Variants in KIF16B observed in about 807,000 individuals in gnomAD.
KIF16B encodes kinesin-like protein KIF16B.
Under a neutral mutation model 156.3 loss-of-function variants are expected in KIF16B, and 98 were observed. The ratio of observed to expected loss-of-function variants is 0.63; its 90% CI spans 0.53 to 0.74. The LOEUF (loss-of-function observed/expected upper bound fraction) is 0.74. Ranked by LOEUF, KIF16B falls within the 30% of genes least tolerant of loss-of-function variation. The pLI is 0.00. For synonymous variants in KIF16B, 564 were observed against 583.7 expected, an observed-to-expected ratio of 0.97 and a Z score of 0.49; for missense variants, 1,421 against 1,606.5, an observed-to-expected ratio of 0.88 and a Z score of 1.97.
chr20:16,404,301 T>C (rs948151834), intron 17 of KIF16B, among the ~76,000 whole-genome samples: 2 of 152,150 alleles, frequency 1.3e-5, no homozygotes, highest in African/African-American at 2.4e-5. Context: ...AGGACATGAG[T>C]TAAGCTGACT....
At chr20:16,488,112 C>T (rs752764144) in intron 12 of KIF16B, among the ~76,000 whole-genome samples, 2 of 152,116 alleles carry the variant, frequency 1.3e-5, no homozygotes, top group Admixed American at 6.5e-5. Context: ...CAAAGCCAGC[C>T]GGACATTGGA....
intron 25 of KIF16B, among the ~76,000 whole-genome samples, chr20:16,280,842 G>GCA (rs775898440): frequency 1.7e-4 from 3 of 17,998 alleles, no homozygotes; most frequent in African/African-American, 9.6e-4. Context: ...GCGCGCGCAC[G>GCA]TGTGTGTGTG....
At position 16,447,611 on chromosome 20, in the gene KIF16B, TA is replaced by T. The variant is rs890747669; in HGVS notation, c.1303-17630del. Among the ~76,000 whole-genome samples the T allele has an allele frequency of 1.1e-3, 174 of 151,508 alleles. 1 individual carries two copies. Among genetic ancestry groups the T allele is most frequent in the African/African-American group, 3.7e-3 (152 of 41,310 alleles). ...CAACAAAGTAAGATCCTGTCTCTAT[TA>T]AAAAAAAATTAATTGAAAAAAAATG... On this transcript the variant is annotated intron_variant, in intron 12 of 25. Coordinates refer to ENST00000354981, the MANE Select transcript of KIF16B (RefSeq NM_024704.5).
chr20:16,331,103 A>T (rs1364109560), intron 24 of KIF16B, among the ~76,000 whole-genome samples: 1 of 152,220 alleles, frequency 6.6e-6, no homozygotes, highest in Non-Finnish European at 1.5e-5. Context: ...GGGAGTTGTG[A>T]GTCTGAATGC....
chr20:16,527,979 C>T (rs2069609610), intron 2 of KIF16B, among the ~76,000 whole-genome samples: 1 of 151,800 alleles, frequency 6.6e-6, no homozygotes, highest in Non-Finnish European at 1.5e-5. Context: ...TCAAGGATTA[C>T]CAAACATGAT....
chr20:16,421,338 T>C (rs1568962553), intron 15 of KIF16B, among the ~76,000 whole-genome samples: 1 of 152,156 alleles, frequency 6.6e-6, no homozygotes, highest in East Asian at 1.9e-4. Flanking sequence ...TTTTGTTTTC[T>C]TACAGATACA....
At chr20:16,502,447 T>C (rs7343875) in intron 10 of KIF16B, among the ~76,000 whole-genome samples, 1 of 152,216 alleles carries the variant, frequency 6.6e-6, no homozygotes, top group Admixed American at 6.5e-5. Context: ...TTATTTTAAA[T>C]TGGATTCACA....
chr20:16,285,536 G>A (rs78810300), intron 25 of KIF16B, among the ~76,000 whole-genome samples: 12,004 of 152,256 alleles, frequency 0.079, 620 homozygotes, highest in Non-Finnish European at 0.12. Flanking sequence ...TAGACACCCA[G>A]CCAGGTGCAG....
chr20:16,345,695 G>A (rs1405324025), intron 23 of KIF16B, among the ~76,000 whole-genome samples: 1 of 152,184 alleles, frequency 6.6e-6, no homozygotes, highest in East Asian at 1.9e-4. Flanking sequence ...ACTGCCTTTA[G>A]GAGGGTGGGT....
At chr20:16,274,857 C>T (rs73251203) in intron 25 of KIF16B, among the ~76,000 whole-genome samples, 4,024 of 152,248 alleles carry the variant, frequency 0.026, 175 homozygotes, top group African/African-American at 0.091. Context: ...TAGAATTTAG[C>T]TACCTCTATG....
chr20:16,516,611 A>ACGTG (rs2069151164), intron 3 of KIF16B, among the ~76,000 whole-genome samples: 1 of 152,148 alleles, frequency 6.6e-6, no homozygotes, highest in Non-Finnish European at 1.5e-5. Context: ...TGGTGTCACC[A>ACGTG]ACGTCCAAGG....
chr20:16,402,006 C>T (rs1186324330), intron 17 of KIF16B, among the ~76,000 whole-genome samples: 1 of 152,122 alleles, frequency 6.6e-6, no homozygotes, highest in Non-Finnish European at 1.5e-5. Flanking sequence ...TTCCAATTGC[C>T]AGCACGGCCC....
chr20:16,333,047 T>C (rs1219072225), intron 24 of KIF16B, among the ~76,000 whole-genome samples: 2 of 152,204 alleles, frequency 1.3e-5, no homozygotes, highest in Admixed American at 6.5e-5. Flanking sequence ...TGGCTTCCCA[T>C]GCACTAGGAA....
intron 6 of KIF16B, among the ~76,000 whole-genome samples, chr20:16,510,377 C>A (rs1279611006): frequency 6.6e-6 from 1 of 152,134 alleles, no homozygotes; most frequent in Non-Finnish European, 1.5e-5. Flanking sequence ...ATGGGCCGGG[C>A]GTGGTGGCTC....
chr20:16,287,872 G>T (rs1188478838), intron 25 of KIF16B, among the ~76,000 whole-genome samples: 5 of 152,138 alleles, frequency 3.3e-5, no homozygotes, highest in African/African-American at 1.2e-4. Context: ...TTGCACCTGT[G>T]GACCAGAAGT....
At chr20:16,460,584 T>C (rs1341244218) in intron 12 of KIF16B, among the ~76,000 whole-genome samples, 10 of 151,592 alleles carry the variant, frequency 6.6e-5, no homozygotes, top group Admixed American at 1.3e-4. Context: ...ATATTCGCAA[T>C]GAGCCTTACA....
chr20:16,524,639 C>T, intron 3 of KIF16B, among the ~76,000 whole-genome samples: 1 of 152,140 alleles, frequency 6.6e-6, no homozygotes, highest in Non-Finnish European at 1.5e-5. Context: ...GGATCTAGAA[C>T]CAGAAATGCC....
intron 1 of KIF16B, among the ~76,000 whole-genome samples, chr20:16,570,462 C>A (rs1197964932): frequency 6.6e-6 from 1 of 152,194 alleles, no homozygotes; most frequent in East Asian, 1.9e-4. Flanking sequence ...TCTGTTTCAT[C>A]ACTCCTGTAC....
chr20:16,519,013 A>G (rs2069238399), intron 3 of KIF16B, among the ~76,000 whole-genome samples: 1 of 152,180 alleles, frequency 6.6e-6, no homozygotes, highest in Non-Finnish European at 1.5e-5. Context: ...CAATTCTGCT[A>G]CTATTAAAAG....
Sources: gnomAD v4.1 joint callset for allele counts (sites outside exome capture counted in the v4.1 genomes callset) on GRCh38, gnomAD v4.1.1 for gene constraint, MANE v1.5 for transcripts, NCBI Gene and HGNC (gene_info 2026-07-23, HGNC 2026-07-21) for gene names.